TNFRSF19: variants seen among roughly 807,000 people sequenced by gnomAD.
TNFRSF19 encodes the protein TNF receptor superfamily member 19.
A neutral mutation model predicts 46.4 loss-of-function variants in TNFRSF19; 27 were observed. The ratio of observed to expected loss-of-function variants is 0.58; its 90% CI spans 0.43 to 0.80. TNFRSF19 has a LOEUF of 0.80. Among genes scored for constraint, TNFRSF19 ranks in the 30% least tolerant of loss-of-function variants. The pLI, the probability that TNFRSF19 is intolerant of heterozygous loss-of-function variation, is 0.00. For synonymous variants in TNFRSF19, 204 were observed against 205.0 expected (o/e 1.00, Z 0.04); for missense variants, 511 against 530.8 (o/e 0.96, Z 0.37).
chr13:23,639,222 A>C (rs747280162), intron 5 of TNFRSF19, among the ~76,000 whole-genome samples: 3 of 152,020 alleles, frequency 2.0e-5, no homozygotes, highest in Non-Finnish European at 2.9e-5. Context: ...ATGAAACCCT[A>C]TCTCTACTAA....
chr13:23,598,889 G>A (rs560434560), intron 3 of TNFRSF19, among the ~76,000 whole-genome samples: 83 of 152,198 alleles, frequency 5.5e-4, no homozygotes, highest in African/African-American at 1.9e-3. Context: ...TTATTTAAAG[G>A]GACTTTTAAA....
intron 9 of TNFRSF19, chr13:23,669,350 A>C: frequency 7.9e-7 from 1 of 1,271,182 alleles, no homozygotes; most frequent in Non-Finnish European, 9.9e-7. Context: ...CACTTAGCAC[A>C]GCACCTGCTG....
chr13:23,626,829 C>A (rs766792343), intron 5 of TNFRSF19, 37 bp downstream of exon 5: 1 of 1,595,164 alleles, frequency 6.3e-7, no homozygotes, highest in Non-Finnish European at 8.5e-7. Context: ...CAAGGGGACG[C>A]CTGGCCTTTT....
chr13:23,655,133 G>A (rs918753112), intron 5 of TNFRSF19, among the ~76,000 whole-genome samples: 3 of 152,164 alleles, frequency 2.0e-5, no homozygotes, highest in Non-Finnish European at 4.4e-5. Context: ...AAAAACACTT[G>A]GCAGATTTTG....
chr13:23,597,653 AAT>A (rs1879835084), intron 3 of TNFRSF19, among the ~76,000 whole-genome samples: 1 of 152,218 alleles, frequency 6.6e-6, no homozygotes, highest in Non-Finnish European at 1.5e-5. Flanking sequence ...TTCACAGCCG[AAT>A]TCTACCAGAG....
intron 9 of TNFRSF19, among the ~76,000 whole-genome samples, chr13:23,671,492 C>A (rs1212754708): frequency 1.5e-5 from 2 of 136,688 alleles, no homozygotes; most frequent in African/African-American, 2.8e-5. Context: ...ACGAGATAAT[C>A]ATTTCCAGAT....
chr13:23,589,637 C>G (rs2138177477), intron 1 of TNFRSF19, among the ~76,000 whole-genome samples: 1 of 152,336 alleles, frequency 6.6e-6, no homozygotes, highest in East Asian at 1.9e-4. Context: ...TTAGCCCTCT[C>G]TGAGTTTCCC....
At chr13:23,626,682 A>C in intron 4 of TNFRSF19, 25 bp from the exon 5 acceptor site, 1 of 1,609,102 alleles carries the variant, frequency 6.2e-7, no homozygotes, top group Non-Finnish European at 8.5e-7. Context: ...AGAGTTAACA[A>C]GGAGTATTTT....
At chr13:23,665,645 A>C (rs1272297539) in intron 7 of TNFRSF19, among the ~76,000 whole-genome samples, 1 of 151,730 alleles carries the variant, frequency 6.6e-6, no homozygotes, top group East Asian at 1.9e-4. Flanking sequence ...CTTGTTTTTC[A>C]TTTTCTGTTT....
intron 5 of TNFRSF19, among the ~76,000 whole-genome samples, chr13:23,648,583 T>A (rs929116796): frequency 2.6e-5 from 4 of 152,194 alleles, no homozygotes; most frequent in African/African-American, 7.2e-5. Flanking sequence ...TATTTCTTTT[T>A]CTTGAGTAAT....
At chr13:23,638,107 C>T (rs373125431) in intron 5 of TNFRSF19, among the ~76,000 whole-genome samples, 36 of 102,856 alleles carry the variant, frequency 3.5e-4, no homozygotes, top group African/African-American at 9.1e-4. Context: ...TTCTGTTTCT[C>T]GGTGCAGAAG....
At chr13:23,605,418 A>G (rs1204524463) in intron 3 of TNFRSF19, among the ~76,000 whole-genome samples, 2 of 152,220 alleles carry the variant, frequency 1.3e-5, no homozygotes, top group African/African-American at 4.8e-5. Flanking sequence ...GTCTTACAAA[A>G]CTAAGCATAC....
At chr13:23,626,249 A>T (rs2138289698) in intron 4 of TNFRSF19, among the ~76,000 whole-genome samples, 3 of 141,374 alleles carry the variant, frequency 2.1e-5, no homozygotes, top group Admixed American at 7.1e-5. Context: ...TTCCACTTTG[A>T]CTCCTGGTTT....
intron 9 of TNFRSF19, chr13:23,669,660 G>A (rs1324439610): frequency 3.0e-6 from 3 of 985,180 alleles, no homozygotes; most frequent in African/African-American, 3.5e-5. Flanking sequence ...ACCCTCTCAG[G>A]TGGAATGGTT....
In TNFRSF19 at chr13:23,580,406, CCAAA is replaced by C. The variant is rs531378155; in HGVS notation, c.-35+9562_-35+9565del. Among the ~76,000 whole-genome samples the C allele has an allele frequency of 5.1e-3, 772 of 152,306 alleles. 6 individuals carry two copies. The highest frequency in any genetic ancestry group is 9.1e-3 in the Non-Finnish European group (620 of 68,020). The stretch of plus-strand genomic sequence containing the variant: ...CATGACAGTTTCTTTGACTACAAAA[CCAAA>C]CAATTTCTTTATGTAAACAGGAAAC... On this transcript the variant is annotated intron_variant, in intron 1 of 9. Coordinates refer to ENST00000248484, the MANE Select transcript of TNFRSF19 (RefSeq NM_148957.4).
chr13:23,657,976 G>A (rs1884092643), intron 5 of TNFRSF19, among the ~76,000 whole-genome samples: 1 of 152,160 alleles, frequency 6.6e-6, no homozygotes, highest in African/African-American at 2.4e-5. Context: ...GCACCTGCCG[G>A]GGAAGCAGAG....
At chr13:23,609,843 T>C (rs568719367) in intron 3 of TNFRSF19, among the ~76,000 whole-genome samples, 11 of 152,344 alleles carry the variant, frequency 7.2e-5, no homozygotes, top group African/African-American at 2.6e-4. Context: ...TGTTGCTCAC[T>C]TTATTTATGT....
intron 1 of TNFRSF19, among the ~76,000 whole-genome samples, chr13:23,579,197 C>G (rs1878186090): frequency 6.6e-6 from 1 of 152,208 alleles, no homozygotes. Flanking sequence ...GTGGGGGCCT[C>G]CAAAGAACCC....
chr13:23,601,070 A>C (rs1880122294), intron 3 of TNFRSF19, among the ~76,000 whole-genome samples: 1 of 152,226 alleles, frequency 6.6e-6, no homozygotes, highest in African/African-American at 2.4e-5. Flanking sequence ...GGAAAGGAAC[A>C]GAAGAAATAT....
Sources: gnomAD v4.1 joint callset for allele counts (sites outside exome capture counted in the v4.1 genomes callset) on GRCh38, gnomAD v4.1.1 for gene constraint, MANE v1.5 for transcripts, NCBI Gene and HGNC (gene_info 2026-07-23, HGNC 2026-07-21) for gene names.